The following SYNE1 variants were observed in gnomAD, a reference collection of about 807,000 sequenced individuals.
SYNE1 encodes the protein spectrin repeat containing nuclear envelope protein 1.
Under a neutral mutation model 1,111.0 loss-of-function variants are expected in SYNE1, and 616 were observed. That is an observed-to-expected ratio of 0.55 (90% CI 0.52 to 0.59). The LOEUF is 0.59. Ranked by LOEUF, SYNE1 falls within the 20% of genes least tolerant of loss-of-function variation. SYNE1 has a pLI of 0.00. For missense variants in SYNE1, 10,006 were observed against 10,417.0 expected (o/e 0.96, Z 1.72); for synonymous variants, 3,855 against 3,825.8 (o/e 1.01, Z -0.28).
At position 152,264,033 on chromosome 6, in the gene SYNE1, A is replaced by G. The variant is rs762769286; in HGVS notation, c.18816-1845T>C. 4.9e-4 allele frequency among the ~76,000 whole-genome samples: 75 copies of G among 151,618 alleles called. 1 individual carries two copies. Among genetic ancestry groups the G allele is most frequent in the Middle Eastern group, 3.4e-3 (1 of 294 alleles). ...AGACCAGCCTGGGCAACATGATGAA[A>G]CCTCATTTCTACTAAAAATACAAAA... On this transcript the variant is annotated intron_variant, in intron 100 of 145. Transcript: ENST00000367255.
At chr6:152,191,669 G>A (rs2072433724) in intron 127 of SYNE1, among the ~76,000 whole-genome samples, 1 of 151,806 alleles carries the variant, frequency 6.6e-6, no homozygotes, top group Non-Finnish European at 1.5e-5. Context: ...CTGGCTAATG[G>A]TTTGTCAATT....
intron 54 of SYNE1, among the ~76,000 whole-genome samples, chr6:152,386,705 T>C (rs17082567): frequency 0.069 from 10,461 of 152,178 alleles, 1,282 homozygotes; most frequent in African/African-American, 0.24. Context: ...ATCTTGACGG[T>C]AAATAGACTT....
intron 16 of SYNE1, among the ~76,000 whole-genome samples, chr6:152,469,123 T>C (rs1456210652): frequency 6.6e-6 from 1 of 152,096 alleles, no homozygotes; most frequent in African/African-American, 2.4e-5. Flanking sequence ...AAGGAAAGAA[T>C]TGCACTTACA....
chr6:152,602,766 A>G (rs2099599173), intron 3 of SYNE1, among the ~76,000 whole-genome samples: 1 of 152,280 alleles, frequency 6.6e-6, no homozygotes, highest in East Asian at 1.9e-4. Context: ...AGTTTTAAGT[A>G]GCTACTATTC....
At chr6:152,623,628 A>T (rs1265323478) in intron 3 of SYNE1, among the ~76,000 whole-genome samples, 1 of 152,220 alleles carries the variant, frequency 6.6e-6, no homozygotes, top group African/African-American at 2.4e-5. Flanking sequence ...TGCAACTGAC[A>T]AAGGTCTAAT....
At chr6:152,631,008 A>G (rs2099696960) in intron 2 of SYNE1, among the ~76,000 whole-genome samples, 1 of 152,208 alleles carries the variant, frequency 6.6e-6, no homozygotes, top group African/African-American at 2.4e-5. Flanking sequence ...GCCAGAGCTC[A>G]ATGCTGGGAT....
At chr6:152,176,586 G>A in intron 129 of SYNE1, 26 bp from the exon 130 acceptor site, 5 of 1,610,216 alleles carry the variant, frequency 3.1e-6, no homozygotes, top group Non-Finnish European at 4.2e-6. Flanking sequence ...CAATCACAGA[G>A]GTCAGAAAGC....
intron 78 of SYNE1, among the ~76,000 whole-genome samples, chr6:152,329,194 T>C (rs1290560614): frequency 6.6e-6 from 1 of 152,188 alleles, no homozygotes; most frequent in African/African-American, 2.4e-5. Flanking sequence ...GAAGTCAAGA[T>C]GGAAACCACA....
At chr6:152,427,081 C>T (rs2098369959) in intron 38 of SYNE1, among the ~76,000 whole-genome samples, 1 of 152,170 alleles carries the variant, frequency 6.6e-6, no homozygotes, top group African/African-American at 2.4e-5. Context: ...CTCTAGAAAT[C>T]AGTAACATTG....
At position 152,189,296 on chromosome 6, in the gene SYNE1, G is replaced by T. The variant is rs138747167; in HGVS notation, c.23257C>A (p.Arg7753Ser). 4 of 1,613,794 alleles carry T rather than the reference G, an allele frequency of 2.5e-6. No individual in the cohort carries two copies. The highest frequency in any genetic ancestry group is 1.3e-5 in the African/African-American group (1 of 74,888). ...SADDISILNE[R>S]VELLQRQWEE... The stretch of plus-strand genomic sequence containing the variant: ...CACTGCCTTTGCAGAAGCTCTACGC[G>T]TTCATTAAGAATGGAGATATCATCA... Residue 7753 changes from arginine (R) to serine (S), a missense_variant, in exon 128 of 146, where the codon CGC becomes AGC. This residue lies in a region of SYNE1 where 2,182 missense variants were observed against 2,287.8 expected (regional missense o/e 0.95). Coordinates refer to ENST00000367255, the MANE Select transcript of SYNE1 (RefSeq NM_182961.4).
chr6:152,330,011 CA>C lies in SYNE1; in HGVS notation c.14673del (p.Glu4892ArgfsTer2), dbSNP rs1305851892. On this transcript the variant is annotated frameshift_variant, in exon 78 of 146. Coordinates refer to ENST00000367255, the MANE Select transcript of SYNE1 (RefSeq NM_182961.4). LOFTEE classifies it high-confidence loss of function. ...SRMVQSIDFQ[T>X]EMSRSLDWLR... ...AGCCAGTCCAGGGAGCGACTCATCT[CA>C]GTCTGGAAGTCTATACTCTGCACCA... 6.2e-7 allele frequency: 1 copy of C among 1,614,092 alleles called. No homozygotes were observed. Among genetic ancestry groups the C allele is most frequent in the Non-Finnish European group, 8.5e-7 (1 of 1,180,046 alleles).
intron 91 of SYNE1, among the ~76,000 whole-genome samples, chr6:152,305,034 T>C (rs1276109831): frequency 6.6e-6 from 1 of 152,160 alleles, no homozygotes; most frequent in Non-Finnish European, 1.5e-5. Flanking sequence ...AATGGAACAC[T>C]TGGTTTAATG....
intron 138 of SYNE1, 103 bp downstream of exon 138, chr6:152,143,520 G>T: frequency 6.6e-7 from 1 of 1,520,162 alleles, no homozygotes; most frequent in Non-Finnish European, 9.1e-7. Flanking sequence ...GGGCAGCATG[G>T]TATTCAGAGA....
At chr6:152,566,971 C>A (rs1275842212) in intron 3 of SYNE1, among the ~76,000 whole-genome samples, 2 of 147,270 alleles carry the variant, frequency 1.4e-5, no homozygotes, top group Non-Finnish European at 3.0e-5. Context: ...CTAACATATT[C>A]ATCTCTTCAC....
intron 97 of SYNE1, 35 bp from the exon 98 acceptor site, chr6:152,278,315 T>G (rs1398330803): frequency 1.2e-6 from 2 of 1,609,782 alleles, no homozygotes; most frequent in Non-Finnish European, 1.7e-6. Flanking sequence ...AACTCACACA[T>G]CTCCCCAGCC....
At chr6:152,235,283 T>C (rs2083739896) in intron 110 of SYNE1, among the ~76,000 whole-genome samples, 1 of 152,016 alleles carries the variant, frequency 6.6e-6, no homozygotes. Context: ...AAAGGTAAGG[T>C]GCCTTATGCA....
At chr6:152,165,847 T>C (rs2063537360) in intron 130 of SYNE1, among the ~76,000 whole-genome samples, 1 of 152,258 alleles carries the variant, frequency 6.6e-6, no homozygotes, top group Non-Finnish European at 1.5e-5. Context: ...TTATGGCTAC[T>C]GGGTACAAAG....
At position 152,334,024 on chromosome 6, in the gene SYNE1, A is replaced by G. The variant is rs905162153; in HGVS notation, c.12778T>C (p.Trp4260Arg). ...EVFLEKFTTEWDNLARSDAES... is the reference protein window; with the variant it reads ...EVFLEKFTTERDNLARSDAES... The stretch of plus-strand genomic sequence containing the variant: ...TTCTGTTACCTGGCCAAGTTATCCC[A>G]TTCTGTAGTAAATTTTTCTAGGAAC... The change falls in exon 77 of 146, where the codon TGG becomes CGG. Residue 4260 changes from tryptophan to arginine, a missense_variant. By Grantham distance (101) the Trp-to-Arg change is moderately radical. Transcript: ENST00000367255. The G allele has an allele frequency of 1.2e-6, 2 of 1,614,052 alleles. No homozygotes were observed. The highest frequency in any genetic ancestry group is 2.7e-5 in the African/African-American group (2 of 74,932).
intron 76 of SYNE1, chr6:152,336,434 G>A (rs2096391114): frequency 1.9e-5 from 4 of 214,642 alleles, no homozygotes; most frequent in South Asian, 7.5e-5. Context: ...CAATTTTTCC[G>A]TGAATGGGGC....
Sources: allele counts gnomAD v4.1 joint callset (sites outside exome capture counted in the v4.1 genomes callset), GRCh38; gene constraint gnomAD v4.1.1; regional missense constraint gnomAD v4.1.1; transcripts MANE v1.5; gene names NCBI Gene and HGNC (gene_info 2026-07-23, HGNC 2026-07-21).